Variants in OSBPL10 observed in about 807,000 individuals in gnomAD.
OSBPL10 encodes oxysterol-binding protein-related protein 10.
In OSBPL10, 49 loss-of-function variants were observed where a neutral mutation model predicts 81.7. That is an observed-to-expected ratio of 0.60 (90% confidence interval 0.48 to 0.76). The LOEUF (loss-of-function observed/expected upper bound fraction) is 0.76, where lower values mean the gene tolerates loss of function less well. OSBPL10 is among the 30% of genes least tolerant of loss of function. OSBPL10 has a pLI of 0.00. For synonymous variants in OSBPL10, 419 were observed against 383.6 expected, an observed-to-expected ratio of 1.09 and a Z score of -1.08; for missense variants, 923 against 987.8, an observed-to-expected ratio of 0.93 and a Z score of 0.88.
At chr3:31,824,258 G>A (rs891229027) in intron 4 of OSBPL10, among the ~76,000 whole-genome samples, 19 of 152,198 alleles carry the variant, frequency 1.2e-4, no homozygotes, top group Middle Eastern at 3.4e-3. Flanking sequence ...GGGATAAATG[G>A]ATGCAGGAAG....
At chr3:31,918,237 T>C (rs11129471) in intron 1 of OSBPL10, among the ~76,000 whole-genome samples, 55,149 of 151,964 alleles carry the variant, frequency 0.36, 11,839 homozygotes, top group Non-Finnish European at 0.5. Flanking sequence ...TAAAAAATAG[T>C]AATAATGACA....
intron 4 of OSBPL10, among the ~76,000 whole-genome samples, chr3:31,819,428 G>T (rs527926066): frequency 1.4e-3 from 216 of 152,322 alleles, no homozygotes; most frequent in African/African-American, 4.9e-3. Context: ...AATGTGACTT[G>T]CCCAAGGACT....
intron 6 of OSBPL10, chr3:31,713,927 T>C (rs776917154): frequency 5.3e-5 from 8 of 152,248 alleles, no homozygotes; most frequent in Non-Finnish European, 1.2e-4. Context: ...GCTGTGGCTT[T>C]ATCAACAAAA....
Position 31,989,910 on chromosome 3 carries a change from T to C in OSBPL10, n.298+56581A>G, listed in dbSNP as rs765095333. The C allele has an allele frequency of 4.3e-6, 7 of 1,614,194 alleles. No individual in the cohort carries two copies. The South Asian group carries it at 6.6e-5, about 15-fold the overall frequency. ...AGAAGCGATACCTTGCATGCCATCA[T>C]AGATGTCACACTGGTGAGAAACCTT... On this transcript the variant is annotated intron_variant and non_coding_transcript_variant, in intron 2 of 3. Transcript: ENST00000479173.
At chr3:31,903,355 TCTCA>T (rs1419901672) in intron 1 of OSBPL10, among the ~76,000 whole-genome samples, 2 of 139,736 alleles carry the variant, frequency 1.4e-5, no homozygotes. Context: ...TTAGACAAGG[TCTCA>T]CTATGTTGCC....
intron 2 of OSBPL10, among the ~76,000 whole-genome samples, chr3:32,004,028 C>G (rs1699178681): frequency 6.6e-6 from 1 of 152,198 alleles, no homozygotes; most frequent in African/African-American, 2.4e-5. Context: ...CAGACCCTAG[C>G]ACTGTGGACC....
chr3:31,965,828 A>AATATATAATATATATTATATATT (rs1559535383), intron 1 of OSBPL10, among the ~76,000 whole-genome samples: 2 of 82,394 alleles, frequency 2.4e-5, no homozygotes, highest in Admixed American at 2.1e-4. Flanking sequence ...TATTATATAA[A>AATATATAATATATATTATATATT]TATATAATAT....
At chr3:31,846,259 G>T (rs547453537) in intron 3 of OSBPL10, among the ~76,000 whole-genome samples, 2 of 152,122 alleles carry the variant, frequency 1.3e-5, no homozygotes, top group African/African-American at 4.8e-5. Context: ...GCGATCCTCC[G>T]CCTTGGCCTC....
At chr3:31,761,310 G>A (rs376940982) in intron 4 of OSBPL10, among the ~76,000 whole-genome samples, 2 of 151,520 alleles carry the variant, frequency 1.3e-5, no homozygotes, top group East Asian at 2.0e-4. Flanking sequence ...AATCTCTACT[G>A]AAAATACAAA....
intron 1 of OSBPL10, among the ~76,000 whole-genome samples, chr3:31,895,036 T>C (rs1696011378): frequency 6.6e-6 from 1 of 152,078 alleles, no homozygotes; most frequent in Non-Finnish European, 1.5e-5. Flanking sequence ...CATGGGTCTC[T>C]GATTTCTGTG....
intron 1 of OSBPL10, among the ~76,000 whole-genome samples, chr3:31,980,178 G>GT (rs1283134168): frequency 6.6e-6 from 1 of 151,410 alleles, no homozygotes; most frequent in Non-Finnish European, 1.5e-5. Flanking sequence ...AATTTTTTTT[G>GT]TTTTTAGTAG....
chr3:31,805,646 C>G (rs1559472755), intron 4 of OSBPL10, among the ~76,000 whole-genome samples: 1 of 152,170 alleles, frequency 6.6e-6, no homozygotes, highest in Non-Finnish European at 1.5e-5. Context: ...ATACAAAGCA[C>G]CTTAAAATAG....
intron 9 of OSBPL10, among the ~76,000 whole-genome samples, chr3:31,670,582 G>T (rs780853823): frequency 2.0e-5 from 3 of 152,154 alleles, no homozygotes; most frequent in Non-Finnish European, 4.4e-5. Flanking sequence ...CTCTGCAAAT[G>T]CATCACCGAA....
At chr3:31,754,318 A>T (rs6780928) in intron 4 of OSBPL10, among the ~76,000 whole-genome samples, 74,989 of 151,842 alleles carry the variant, frequency 0.49, 18,841 homozygotes, top group East Asian at 0.65. Context: ...AAAACCCCCA[A>T]CTAGTGTACA....
At chr3:32,017,810 G>T (rs187503584) in intron 2 of OSBPL10, among the ~76,000 whole-genome samples, 3 of 152,216 alleles carry the variant, frequency 2.0e-5, no homozygotes, top group Non-Finnish European at 4.4e-5. Flanking sequence ...TATAATCCCA[G>T]GTGAATTGTG....
At chr3:31,852,256 TC>T (rs1462243296) in intron 3 of OSBPL10, among the ~76,000 whole-genome samples, 1 of 151,708 alleles carries the variant, frequency 6.6e-6, no homozygotes, top group Admixed American at 6.6e-5. Flanking sequence ...CTCCTTCCCC[TC>T]CCCCAAAGCA....
intron 4 of OSBPL10, among the ~76,000 whole-genome samples, chr3:31,784,363 G>A (rs1698803173): frequency 7.0e-6 from 1 of 142,940 alleles, no homozygotes. Context: ...GAAAGGAAAG[G>A]AAAAGGAAAA....
chr3:31,899,861 G>A (rs1575605875), intron 1 of OSBPL10, among the ~76,000 whole-genome samples: 1 of 152,038 alleles, frequency 6.6e-6, no homozygotes, highest in East Asian at 1.9e-4. Flanking sequence ...GCACACACCT[G>A]TGGTCCCAGC....
At chr3:31,952,615 G>A (rs1168474837) in intron 1 of OSBPL10, among the ~76,000 whole-genome samples, 5 of 152,164 alleles carry the variant, frequency 3.3e-5, no homozygotes, top group Non-Finnish European at 7.3e-5. Flanking sequence ...ATACTACTAT[G>A]TAAAATCCAT....
Sources: gnomAD v4.1 joint callset for allele counts (sites outside exome capture counted in the v4.1 genomes callset) on GRCh38, gnomAD v4.1.1 for gene constraint, MANE v1.5 for transcripts, NCBI Gene and HGNC (gene_info 2026-07-23, HGNC 2026-07-21) for gene names.